The following BPNT2 variants were observed in gnomAD, a reference collection of about 807,000 sequenced individuals.
The protein encoded by BPNT2 is Golgi-resident adenosine 3',5'-bisphosphate 3'-phosphatase.
BPNT2 carries 11 observed loss-of-function variants against 29.3 expected under a neutral mutation model. The ratio of observed to expected loss-of-function variants is 0.38; its 90% confidence interval spans 0.24 to 0.62. BPNT2 has a LOEUF of 0.62. Among genes scored for constraint, BPNT2 ranks in the 20% least tolerant of loss-of-function variants. The pLI is 0.62. For missense variants in BPNT2, 459 were observed against 473.4 expected (o/e 0.97, Z 0.28); for synonymous variants, 195 against 187.7 (o/e 1.04, Z -0.32).
chr8:56,959,693 T>C lies in BPNT2; in HGVS notation c.*4100A>G, dbSNP rs1352206885. 1 of 152,210 alleles carries C rather than the reference T, an allele frequency of 6.6e-6. No individual in the cohort carries two copies. The highest frequency in any genetic ancestry group is 1.5e-5 in the Non-Finnish European group (1 of 68,030). The allele number at this position is 152,210 out of a possible 1,614,324, so 9.4% of individuals were successfully genotyped here. On this transcript the variant is annotated 3_prime_UTR_variant, in exon 5 of 5. Coordinates refer to ENST00000262644, the MANE Select transcript of BPNT2 (RefSeq NM_017813.5). The stretch of plus-strand genomic sequence containing the variant: ...GATGAAATATTATTTCAGACCTATA[T>C]ACATCAAGATGCCAGTTCTTATAAA...
At chr8:56,984,799 A>G (rs1008928065) in intron 1 of BPNT2, among the ~76,000 whole-genome samples, 1 of 150,344 alleles carries the variant, frequency 6.7e-6, no homozygotes, top group Non-Finnish European at 1.5e-5. Flanking sequence ...TAAAATCCAG[A>G]CTCCTTATCA....
Position 56,964,055 on chromosome 8 carries a change from A to G in BPNT2, c.818T>C (p.Val273Ala). The change falls in exon 5 of 5, where the codon GTT (valine) becomes GCT (alanine). Residue 273 changes from valine (V) to alanine (A), a missense_variant. Transcript: ENST00000262644. ...ATCAGGCACATCCAAAAGTGCTAAA[A>G]CTTTATAACCTAAAAGATAAACAAA... The part of the protein sequence containing the change: ...IIPAGGAGYK[V>A]LALLDVPDKS... 3 of 1,587,862 alleles carry G rather than the reference A, an allele frequency of 1.9e-6. No homozygotes were observed. Among genetic ancestry groups the G allele is most frequent in the Non-Finnish European group, 2.6e-6 (3 of 1,163,424 alleles).
intron 1 of BPNT2, among the ~76,000 whole-genome samples, chr8:56,983,571 G>A (rs1317911092): frequency 6.6e-6 from 1 of 152,144 alleles, no homozygotes; most frequent in Non-Finnish European, 1.5e-5. Flanking sequence ...TTAACAATGT[G>A]CAGAGGGTCC....
chr8:56,984,042 A>G (rs1403448934), intron 1 of BPNT2, among the ~76,000 whole-genome samples: 3 of 152,200 alleles, frequency 2.0e-5, no homozygotes, highest in African/African-American at 7.2e-5. Flanking sequence ...TTCAAAAAAA[A>G]AAGAAACATG....
At chr8:56,988,990 ACTGGTCTCC>A (rs1806369497) in intron 1 of BPNT2, among the ~76,000 whole-genome samples, 1 of 152,126 alleles carries the variant, frequency 6.6e-6, no homozygotes, top group Non-Finnish European at 1.5e-5. Context: ...GGGCCTCCTA[ACTGGTCTCC>A]CTGTATTTAC....
At chr8:56,974,816 TGA>T (rs796672506) in intron 3 of BPNT2, among the ~76,000 whole-genome samples, 1 of 152,280 alleles carries the variant, frequency 6.6e-6, no homozygotes, top group African/African-American at 2.4e-5. Context: ...AGCCTACAGA[TGA>T]GAGAGGAATA....
At chr8:56,964,979 G>A (rs1387446819) in intron 4 of BPNT2, among the ~76,000 whole-genome samples, 1 of 152,154 alleles carries the variant, frequency 6.6e-6, no homozygotes, top group African/African-American at 2.4e-5. Context: ...CCATATGAAA[G>A]AAGGCAGATA....
At chr8:56,978,887 C>G (rs1390071548) in intron 2 of BPNT2, among the ~76,000 whole-genome samples, 1 of 152,084 alleles carries the variant, frequency 6.6e-6, no homozygotes, top group Non-Finnish European at 1.5e-5. Context: ...TGGGGCCTTT[C>G]AGAGGATAGA....
At chr8:56,966,395 A>G (rs1290878203) in intron 3 of BPNT2, 43 bp from the exon 4 acceptor site, 1 of 1,544,874 alleles carries the variant, frequency 6.5e-7, no homozygotes, top group Non-Finnish European at 8.9e-7. Flanking sequence ...CTGAAGCTTT[A>G]AAACTAAAGG....
chr8:56,963,610 C>T lies in BPNT2; in HGVS notation c.*183G>A. The T allele has an allele frequency of 1.6e-6, 1 of 618,136 alleles. No individual in the cohort carries two copies. Among genetic ancestry groups the T allele is most frequent in the South Asian group, 2.1e-5 (1 of 48,024 alleles). The allele number at this position is 618,136 out of a possible 1,614,324, so 38.3% of individuals were successfully genotyped here. On this transcript the variant is annotated 3_prime_UTR_variant, in exon 5 of 5. Transcript: ENST00000262644. ...TAAAGACAATACTTGAGACACAAAG[C>T]AACCCATTTTCCCTGATTTTGCATT...
At chr8:56,977,539 A>T (rs958001140) in intron 3 of BPNT2, among the ~76,000 whole-genome samples, 1 of 152,176 alleles carries the variant, frequency 6.6e-6, no homozygotes, top group Non-Finnish European at 1.5e-5. Flanking sequence ...TTATGGTTAA[A>T]CTGTGTCCCC....
At chr8:56,969,728 A>C (rs1806002266) in intron 3 of BPNT2, among the ~76,000 whole-genome samples, 2 of 152,176 alleles carry the variant, frequency 1.3e-5, no homozygotes, top group Admixed American at 1.3e-4. Context: ...AAAAAGGATA[A>C]ATAAAGGCAT....
chr8:56,967,303 A>C (rs1805968158), intron 3 of BPNT2: 1 of 453,766 alleles, frequency 2.2e-6, no homozygotes, highest in African/African-American at 2.0e-5. Flanking sequence ...GACTCTTCTC[A>C]TACCTCCTTC....
chr8:56,990,585 G>A (rs1163897742), intron 1 of BPNT2, among the ~76,000 whole-genome samples: 2 of 152,118 alleles, frequency 1.3e-5, no homozygotes, highest in Non-Finnish European at 2.9e-5. Flanking sequence ...CACTTCTCTG[G>A]AGTATGATTC....
rs1805862533 is a variant in BPNT2 at position 56,962,931 on chromosome 8, ATTT to A, written c.*859_*861del. The A allele has an allele frequency of 6.6e-6, 1 of 152,218 alleles. No homozygotes were observed. The highest frequency in any genetic ancestry group is 2.4e-5 in the African/African-American group (1 of 41,452). 9.4% of individuals were successfully genotyped at this position (152,218 alleles called of 1,614,324 possible). ...ATATTCTTATAGTGCCTTACAGCAT[ATTT>A]TATCGTTAATGAGAAAATGAACCAA... is the stretch of plus-strand genomic sequence containing the variant. On this transcript the variant is annotated 3_prime_UTR_variant, in exon 5 of 5. Transcript: ENST00000262644.
intron 3 of BPNT2, among the ~76,000 whole-genome samples, chr8:56,975,664 T>C (rs1332905061): frequency 1.3e-5 from 2 of 152,132 alleles, no homozygotes; most frequent in Non-Finnish European, 2.9e-5. Flanking sequence ...CATTTTTTCA[T>C]CTATAAAAAA....
At chr8:56,989,834 T>C (rs1037654463) in intron 1 of BPNT2, among the ~76,000 whole-genome samples, 2 of 152,180 alleles carry the variant, frequency 1.3e-5, no homozygotes, top group Non-Finnish European at 2.9e-5. Context: ...ACAATAATTC[T>C]CCCAAGTGCA....
rs961384358 is a variant in BPNT2, at chr8:56,967,006, G to C, written c.647-654C>G. 1.4e-5 allele frequency: 5 copies of C among 359,082 alleles called. No homozygotes were observed. In the East Asian group the frequency reaches 2.9e-4, roughly 21 times the overall value. The allele number at this position is 359,082 out of a possible 1,614,324, so 22.2% of individuals were successfully genotyped here. ...AAGCCTTAGATTTCAAAATAGAATA[G>C]AATTTTTAAAAGGGAAGGGGATGTC... is the stretch of plus-strand genomic sequence containing the variant. On this transcript the variant is annotated intron_variant, in intron 3 of 4. Transcript: ENST00000262644.
Position 56,963,621 on chromosome 8 carries a change from C to T in BPNT2, c.*172G>A, listed in dbSNP as rs1264485726. 6.2e-6 allele frequency: 4 copies of T among 650,360 alleles called. No individual in the cohort carries two copies. The East Asian group carries it at 7.9e-5, about 13-fold the overall frequency. The allele number at this position is 650,360 out of a possible 1,614,324, so 40.3% of individuals were successfully genotyped here. ...CTTGAGACACAAAGCAACCCATTTT[C>T]CCTGATTTTGCATTCTATTACAGGG... On this transcript the variant is annotated 3_prime_UTR_variant, in exon 5 of 5. Transcript: ENST00000262644.
Sources: gnomAD v4.1 joint callset for allele counts (sites outside exome capture counted in the v4.1 genomes callset) on GRCh38, gnomAD v4.1.1 for gene constraint, MANE v1.5 for transcripts, NCBI Gene and HGNC (gene_info 2026-07-23, HGNC 2026-07-21) for gene names.